OR9Q1: variants seen among roughly 807,000 people sequenced by gnomAD.
OR9Q1 encodes olfactory receptor 9Q1.
For synonymous variants in OR9Q1, 153 were observed against 148.6 expected (o/e 1.03, Z -0.22); for missense variants, 374 against 378.8 (o/e 0.99, Z 0.11).
At chr11:58,083,830 G>C (rs1853611421) in intron 2 of OR9Q1, among the ~76,000 whole-genome samples, 1 of 151,834 alleles carries the variant, frequency 6.6e-6, no homozygotes, top group Admixed American at 6.6e-5. Flanking sequence ...GTCTGGTTTT[G>C]TACCAGTACC....
intron 2 of OR9Q1, among the ~76,000 whole-genome samples, chr11:58,176,353 C>A (rs1280843162): frequency 6.6e-6 from 1 of 152,218 alleles, no homozygotes; most frequent in Non-Finnish European, 1.5e-5. Context: ...AAAGTCTTTT[C>A]TCCTCCTATG....
intron 2 of OR9Q1, chr11:58,118,623 C>T (rs1317461113): frequency 6.2e-7 from 1 of 1,613,924 alleles, no homozygotes; most frequent in Non-Finnish European, 8.5e-7. Context: ...AGAAGACAGA[C>T]ACGACTTTGT....
intron 2 of OR9Q1, among the ~76,000 whole-genome samples, chr11:58,159,405 T>A (rs981755380): frequency 6.6e-6 from 1 of 151,850 alleles, no homozygotes; most frequent in African/African-American, 2.4e-5. Flanking sequence ...CTTCCTCGTA[T>A]GGGAAGATAC....
chr11:58,055,318 G>A (rs772743731), intron 1 of OR9Q1, among the ~76,000 whole-genome samples: 2 of 152,068 alleles, frequency 1.3e-5, no homozygotes, highest in African/African-American at 2.4e-5. Context: ...CATAAGCACC[G>A]ATGAAATTAC....
chr11:58,169,238 T>G (rs1373544972), intron 2 of OR9Q1, among the ~76,000 whole-genome samples: 1 of 152,188 alleles, frequency 6.6e-6, no homozygotes, highest in Non-Finnish European at 1.5e-5. Context: ...AAACATGTAA[T>G]GGATTCTTTT....
chr11:58,053,636 A>ATATATAAAT (rs1554965517), intron 1 of OR9Q1, among the ~76,000 whole-genome samples: 2 of 140,276 alleles, frequency 1.4e-5, no homozygotes, highest in African/African-American at 5.3e-5. Context: ...TAAAATATAT[A>ATATATAAAT]TATATATAAA....
chr11:58,092,241 G>A (rs182684711), intron 2 of OR9Q1, among the ~76,000 whole-genome samples: 164 of 151,870 alleles, frequency 1.1e-3, no homozygotes, highest in African/African-American at 3.8e-3. Context: ...TCATAGTGTC[G>A]TATATTTTTG....
chr11:58,177,248 G>A (rs1854614446), intron 2 of OR9Q1, among the ~76,000 whole-genome samples: 1 of 152,182 alleles, frequency 6.6e-6, no homozygotes, highest in African/African-American at 2.4e-5. Flanking sequence ...AATTAATGAT[G>A]GACACCTTCT....
At chr11:58,100,007 A>G (rs1384520680) in intron 2 of OR9Q1, among the ~76,000 whole-genome samples, 1 of 152,202 alleles carries the variant, frequency 6.6e-6, no homozygotes, top group Admixed American at 6.5e-5. Flanking sequence ...AAATCACATT[A>G]GATGGGGTGC....
At chr11:58,065,166 A>G (rs1342717665) in intron 2 of OR9Q1, among the ~76,000 whole-genome samples, 3 of 152,168 alleles carry the variant, frequency 2.0e-5, no homozygotes, top group Non-Finnish European at 4.4e-5. Flanking sequence ...ATGGACTGGG[A>G]TAGGTTATTC....
intron 1 of OR9Q1, among the ~76,000 whole-genome samples, chr11:58,030,658 T>TAGAC (rs1220646263): frequency 2.0e-5 from 3 of 152,232 alleles, no homozygotes; most frequent in Non-Finnish European, 4.4e-5. Flanking sequence ...GGTTCAGCTA[T>TAGAC]AGACAGTCTT....
intron 2 of OR9Q1, among the ~76,000 whole-genome samples, chr11:58,154,738 T>A (rs887599140): frequency 1.3e-5 from 2 of 152,198 alleles, no homozygotes; most frequent in African/African-American, 4.8e-5. Flanking sequence ...ACAATTATTA[T>A]ATATCAATAG....
chr11:58,179,408 G>C, intron 2 of OR9Q1, 23 bp from the exon 3 acceptor site: 1 of 1,387,308 alleles, frequency 7.2e-7, no homozygotes, highest in Non-Finnish European at 9.9e-7. Context: ...TTCCTAACTT[G>C]CTTCCCATTC....
intron 2 of OR9Q1, among the ~76,000 whole-genome samples, chr11:58,133,865 C>T (rs140298651): frequency 6.6e-6 from 1 of 152,112 alleles, no homozygotes; most frequent in East Asian, 1.9e-4. Flanking sequence ...AGTAATTTCC[C>T]CATTTTTGGA....
chr11:58,139,533 G>A (rs575335073), intron 2 of OR9Q1, among the ~76,000 whole-genome samples: 1 of 152,004 alleles, frequency 6.6e-6, no homozygotes, highest in Non-Finnish European at 1.5e-5. Flanking sequence ...AACATGTGGT[G>A]TTTGGTTTTT....
intron 2 of OR9Q1, among the ~76,000 whole-genome samples, chr11:58,082,474 T>C (rs1292918519): frequency 6.6e-6 from 1 of 151,404 alleles, no homozygotes; most frequent in Non-Finnish European, 1.5e-5. Flanking sequence ...GAAATCATCA[T>C]CCTCAGTAAA....
intron 2 of OR9Q1, among the ~76,000 whole-genome samples, chr11:58,060,999 C>T (rs2167358): frequency 0.25 from 38,557 of 151,972 alleles, 5,540 homozygotes; most frequent in East Asian, 0.6. Context: ...TGTTCGAGTT[C>T]ATGCCTTTTC....
At chr11:58,106,122 G>A (rs1853837525) in intron 2 of OR9Q1, among the ~76,000 whole-genome samples, 2 of 150,532 alleles carry the variant, frequency 1.3e-5, no homozygotes. Context: ...ACATCCAAGG[G>A]TTCCAATTTT....
At chr11:58,122,094 G>A (rs11601841) in intron 2 of OR9Q1, among the ~76,000 whole-genome samples, 32,605 of 152,148 alleles carry the variant, frequency 0.21, 3,979 homozygotes, top group Middle Eastern at 0.38. Flanking sequence ...AACTTGTGAT[G>A]AGGCCCCATC....
Sources: allele counts gnomAD v4.1 joint callset (sites outside exome capture counted in the v4.1 genomes callset), GRCh38; gene constraint gnomAD v4.1.1; transcripts MANE v1.5; gene names NCBI Gene and HGNC (gene_info 2026-07-23, HGNC 2026-07-21).